Variants in CFAP43 observed in about 807,000 individuals in gnomAD.
CFAP43 encodes the protein cilia and flagella associated protein 43.
CFAP43 carries 155 observed loss-of-function variants against 218.9 expected under a neutral mutation model. The observed-to-expected ratio is 0.71, with a 90% CI of 0.62 to 0.81. CFAP43 has a LOEUF of 0.81. Among genes scored for constraint, CFAP43 ranks in the 30% least tolerant of loss-of-function variants. CFAP43 has a pLI of 0.00. For synonymous variants in CFAP43, 645 were observed against 681.3 expected (o/e 0.95, Z 0.83); for missense variants, 1,778 against 1,954.3 (o/e 0.91, Z 1.70).
chr10:104,155,744 CGCTCCAG>C (rs1243766104), intron 27 of CFAP43, among the ~76,000 whole-genome samples: 4 of 151,996 alleles, frequency 2.6e-5, no homozygotes, highest in African/African-American at 9.7e-5. Context: ...GGGGGAAGAG[CGCTCCAG>C]GCCAAGGATA....
At chr10:104,163,630 C>T (rs1278837158) in intron 24 of CFAP43, among the ~76,000 whole-genome samples, 2 of 152,204 alleles carry the variant, frequency 1.3e-5, no homozygotes, top group Non-Finnish European at 2.9e-5. Flanking sequence ...CCACTGGCCT[C>T]GTTCCCGCAA....
chr10:104,130,082 CAAATGAAATGATTTTTT>C lies in CFAP43; in HGVS notation c.*40_*56del. The C allele has an allele frequency of 6.6e-7, 1 of 1,507,988 alleles. No homozygotes were observed. The highest frequency in any genetic ancestry group is 2.1e-4 in the Middle Eastern group (1 of 4,852). The allele number at this position is 1,507,988 out of a possible 1,614,324, so 93.4% of individuals were successfully genotyped here. A position where few individuals can be genotyped will look rare whatever the true frequency, so the allele number is the denominator to read the frequency against. On this transcript the variant is annotated 3_prime_UTR_variant, in exon 38 of 38. Transcript: ENST00000357060. ...AGAAAGAAAAGGAAATCATTTTACCCAAATGAAATGATTTTTTAAATGATTGATTTGGCCTTGTGTTT... is the reference window on the plus strand; with the variant it reads ...AGAAAGAAAAGGAAATCATTTTACCCAAATGATTGATTTGGCCTTGTGTTT...
Position 104,207,826 on chromosome 10 carries a change from T to C in CFAP43, c.736-2A>G, listed in dbSNP as rs754718604. The stretch of plus-strand genomic sequence containing the variant: ...CAAAGGATATAGATCATCTTTCGGC[T>C]TCAGGGAGAGAATAAAACCTTGTGT... On this transcript the variant is annotated splice_acceptor_variant, in intron 5 of 37. Coordinates refer to ENST00000357060, the MANE Select transcript of CFAP43 (RefSeq NM_025145.7). LOFTEE classifies it high-confidence loss of function. 1.9e-6 allele frequency: 3 copies of C among 1,609,898 alleles called. No homozygotes were observed. The highest frequency in any genetic ancestry group is 2.5e-6 in the Non-Finnish European group (3 of 1,178,684).
At chr10:104,149,099 T>C (rs1205394930) in intron 28 of CFAP43, among the ~76,000 whole-genome samples, 1 of 152,234 alleles carries the variant, frequency 6.6e-6, no homozygotes, top group African/African-American at 2.4e-5. Flanking sequence ...TTGCAGAGTC[T>C]GGTTTTAATG....
At chr10:104,202,807 A>T (rs1049543315) in intron 8 of CFAP43, among the ~76,000 whole-genome samples, 64 of 150,876 alleles carry the variant, frequency 4.2e-4, no homozygotes, top group African/African-American at 1.3e-3. Context: ...ATTAAAACAT[A>T]AGTTAGCATA....
rs777914016 is a variant in CFAP43 at position 104,191,791 on chromosome 10, G to C, written c.1546+408C>G. Among the ~76,000 whole-genome samples, 128 of 42,552 alleles carry C rather than the reference G, an allele frequency of 3.0e-3. 1 individual carries two copies. The highest frequency in any genetic ancestry group is 0.021 in the African/African-American group (106 of 4,976). 27.9% of individuals were successfully genotyped at this position (42,552 alleles called of 152,430 possible). On this transcript the variant is annotated intron_variant, in intron 12 of 37. Transcript: ENST00000357060. ...AATTTTAAAAAAAATTGTGTGTGTGGGGGGGGGGAAACACATATACAGTTG... is the reference window on the plus strand; with the variant it reads ...AATTTTAAAAAAAATTGTGTGTGTGCGGGGGGGGAAACACATATACAGTTG...
chr10:104,212,643 A>G (rs905973087), intron 4 of CFAP43, among the ~76,000 whole-genome samples: 6 of 152,212 alleles, frequency 3.9e-5, no homozygotes, highest in Non-Finnish European at 5.9e-5. Context: ...AACACTGTAG[A>G]CTAAAATAAA....
intron 2 of CFAP43, among the ~76,000 whole-genome samples, chr10:104,227,450 T>C (rs1244063556): frequency 1.3e-5 from 2 of 152,236 alleles, no homozygotes; most frequent in Non-Finnish European, 2.9e-5. Flanking sequence ...ATTATGATCA[T>C]AAAAAAGTTG....
chr10:104,232,118 G>A, intron 1 of CFAP43, 64 bp downstream of exon 1: 2 of 1,541,516 alleles, frequency 1.3e-6, no homozygotes, highest in Non-Finnish European at 1.8e-6. Context: ...GAGGAGGGAG[G>A]AGGGGACTTG....
chr10:104,180,341 A>T (rs1362303082), intron 17 of CFAP43, among the ~76,000 whole-genome samples: 2 of 151,660 alleles, frequency 1.3e-5, no homozygotes, highest in Non-Finnish European at 2.9e-5. Context: ...TCTCCCTTTT[A>T]CAGGATCTTT....
At chr10:104,214,163 G>A in intron 4 of CFAP43, 96 bp downstream of exon 4, 3 of 1,258,342 alleles carry the variant, frequency 2.4e-6, no homozygotes, top group South Asian at 3.6e-5. Flanking sequence ...ATATATGTAT[G>A]TATAAAGCCA....
intron 23 of CFAP43, 59 bp from the exon 24 acceptor site, chr10:104,164,359 G>T: frequency 7.9e-7 from 1 of 1,269,330 alleles, no homozygotes; most frequent in Non-Finnish European, 1.1e-6. Context: ...CTGGTAACAT[G>T]ATCCCACAAT....
chr10:104,186,123 C>T lies in CFAP43; in HGVS notation c.1861G>A (p.Glu621Lys). ...YICSYLLPEE[E>K]HTGIYILKPY... ...TTAAGAATGTAGATACCGGTATGTTCCTGCCAATCAAAGAAAATAACCACA... is the reference window on the plus strand; with the variant it reads ...TTAAGAATGTAGATACCGGTATGTTTCTGCCAATCAAAGAAAATAACCACA... The change falls in exon 15 of 38, where the codon GAA (glutamate) becomes AAA (lysine). Residue 621 changes from glutamate to lysine, a missense_variant and splice_region_variant. Glu to Lys is a moderately conservative substitution (Grantham distance 56, BLOSUM62 1). Coordinates refer to ENST00000357060, the MANE Select transcript of CFAP43 (RefSeq NM_025145.7). 6.7e-7 allele frequency: 1 copy of T among 1,483,562 alleles called. No individual in the cohort carries two copies. The allele number at this position is 1,483,562 out of a possible 1,614,324, so 91.9% of individuals were successfully genotyped here.
At position 104,161,951 on chromosome 10, in the gene CFAP43, G is replaced by A. The variant is rs375632485; in HGVS notation, c.3414+10C>T. The A allele has an allele frequency of 6.2e-7, 1 of 1,611,538 alleles. No homozygotes were observed. Among genetic ancestry groups the A allele is most frequent in the South Asian group, 1.1e-5 (1 of 90,632 alleles). On this transcript the variant is annotated intron_variant, in intron 26 of 37. Transcript: ENST00000357060. ...ATTCCACCTTCTATAAGGATGAACA[G>A]AAATATCACCATTCTCAAAATATCT...
At chr10:104,161,797 C>A (rs766666425) in intron 26 of CFAP43, among the ~76,000 whole-genome samples, 164 bp downstream of exon 26, 1 of 152,084 alleles carries the variant, frequency 6.6e-6, no homozygotes, top group Non-Finnish European at 1.5e-5. Flanking sequence ...TAAGCCACCA[C>A]GCCAGGCCCT....
chr10:104,195,910 T>A (rs1564786445), intron 10 of CFAP43, among the ~76,000 whole-genome samples: 1 of 152,218 alleles, frequency 6.6e-6, no homozygotes, highest in African/African-American at 2.4e-5. Flanking sequence ...GTGGAATGAA[T>A]CTAACTCCCA....
At chr10:104,205,754 G>A (rs945271378) in intron 7 of CFAP43, among the ~76,000 whole-genome samples, 1 of 152,034 alleles carries the variant, frequency 6.6e-6, no homozygotes, top group Middle Eastern at 3.2e-3. Flanking sequence ...AGTAATATAT[G>A]GTAGTTCATT....
Position 104,143,659 on chromosome 10 carries a change from C to T in CFAP43, c.3945-20G>A. Reference sequence around the variant, plus strand: ...GAAATCCTGGTATTACCAAGAAAAGCCCATCAACATTTCACATTCTCATAA... The same window carrying T: ...GAAATCCTGGTATTACCAAGAAAAGTCCATCAACATTTCACATTCTCATAA... On this transcript the variant is annotated intron_variant, in intron 31 of 37. Coordinates refer to ENST00000357060, the MANE Select transcript of CFAP43 (RefSeq NM_025145.7). 6.2e-6 allele frequency: 10 copies of T among 1,610,850 alleles called. No individual in the cohort carries two copies. Among genetic ancestry groups the T allele is most frequent in the Non-Finnish European group, 8.5e-6 (10 of 1,177,450 alleles).
intron 17 of CFAP43, 135 bp downstream of exon 17, chr10:104,182,230 CT>C: frequency 1.0e-6 from 1 of 988,144 alleles, no homozygotes; most frequent in South Asian, 2.2e-5. Flanking sequence ...AGCTTATTCC[CT>C]TTTTGAAAAT....
Sources: allele counts gnomAD v4.1 joint callset (sites outside exome capture counted in the v4.1 genomes callset), GRCh38; gene constraint gnomAD v4.1.1; transcripts MANE v1.5; gene names NCBI Gene and HGNC (gene_info 2026-07-23, HGNC 2026-07-21).